ZC3H12B: variants seen among roughly 807,000 people sequenced by gnomAD.
The protein encoded by ZC3H12B is zinc finger CCCH-type containing 12B.
A neutral mutation model predicts 43.9 loss-of-function variants in ZC3H12B; 7 were observed. The observed-to-expected ratio is 0.16, with a 90% CI of 0.09 to 0.30. ZC3H12B has a LOEUF of 0.30. ZC3H12B is among the 10% of genes least tolerant of loss of function. The pLI, the probability that ZC3H12B is intolerant of heterozygous loss-of-function variation, is 1.00. For missense variants in ZC3H12B, 475 were observed against 670.2 expected, an observed-to-expected ratio of 0.71 and a Z score of 3.22; for synonymous variants, 222 against 241.7, an observed-to-expected ratio of 0.92 and a Z score of 0.76.
At chrX:65,175,939 G>A in the ZC3H12B span, among the ~76,000 whole-genome samples, 1 of 112,084 alleles carries the variant, frequency 8.9e-6, no homozygotes, top group Non-Finnish European at 1.9e-5. Flanking sequence ...GGGGCCCTGG[G>A]TTTCAAGCAC....
chrX:65,256,716 T>A, the ZC3H12B span, among the ~76,000 whole-genome samples: 3 of 111,274 alleles, frequency 2.7e-5, no homozygotes, highest in Non-Finnish European at 5.7e-5. Flanking sequence ...TATTGAGACA[T>A]GAAAAACCAC....
chrX:65,147,312 T>C, the ZC3H12B span, among the ~76,000 whole-genome samples: 3 of 111,647 alleles, frequency 2.7e-5, no homozygotes, highest in Non-Finnish European at 5.6e-5. Context: ...ATCTGGTACC[T>C]TGGTCAGAAG....
At chrX:65,460,874 T>A (rs1412175726) in intron 3 of ZC3H12B, among the ~76,000 whole-genome samples, 1 of 111,235 alleles carries the variant, frequency 9.0e-6, no homozygotes, top group Non-Finnish European at 1.9e-5. Flanking sequence ...CTAATTAAAC[T>A]AAAGAGCTTC....
At chrX:65,169,736 T>C in the ZC3H12B span, among the ~76,000 whole-genome samples, 1 of 112,377 alleles carries the variant, frequency 8.9e-6, no homozygotes, top group Admixed American at 9.4e-5. Context: ...GGTGCATATA[T>C]ATTAAGCATA....
chrX:65,321,962 T>C, the ZC3H12B span, among the ~76,000 whole-genome samples: 19 of 111,120 alleles, frequency 1.7e-4, no homozygotes, highest in African/African-American at 5.9e-4. Flanking sequence ...ACCTGGGTGA[T>C]TAGATAATCT....
In ZC3H12B at chrX:65,376,871, C is replaced by T. The variant is rs1038990163; in HGVS notation, n.295+7873C>T. On this transcript the variant is annotated intron_variant and non_coding_transcript_variant, in intron 2 of 5. Coordinates refer to the ZC3H12B transcript ENST00000617377. The stretch of plus-strand genomic sequence containing the variant: ...TTTTCAATGCCCAGACACCAAAGAA[C>T]ATCTGAAAGCATCAAGACCATATAG... Among the ~76,000 whole-genome samples the T allele has an allele frequency of 4.5e-4, 50 of 110,558 alleles. 1 individual carries two copies. The highest frequency in any genetic ancestry group is 1.5e-3 in the African/African-American group (46 of 30,448).
At chrX:65,470,739 T>C (rs1212220783) in intron 3 of ZC3H12B, among the ~76,000 whole-genome samples, 1 of 111,812 alleles carries the variant, frequency 8.9e-6, no homozygotes, top group East Asian at 2.8e-4. Context: ...GCTGGCCCAC[T>C]GGTCTGCGTT....
At chrX:65,437,658 A>G (rs746036875) in intron 3 of ZC3H12B, among the ~76,000 whole-genome samples, 45 of 111,917 alleles carry the variant, frequency 4.0e-4, no homozygotes, top group Non-Finnish European at 7.5e-4. Flanking sequence ...CCCTTGTCAG[A>G]TGAAGTTTTC....
rs188351916 is a variant in ZC3H12B at position 65,387,767 on chromosome X, A to T, written n.296-10826A>T. Among the ~76,000 whole-genome samples the T allele has an allele frequency of 2.0e-4, 23 of 112,665 alleles. No individual in the cohort carries two copies. The Admixed American group carries it at 2.1e-3, about 10-fold the overall frequency. ...TCTTTACAATTTGGCATGTTTTTGCAGTGGCTGGTACTGGTTGTTCCTTTT... is the reference window on the plus strand; with the variant it reads ...TCTTTACAATTTGGCATGTTTTTGCTGTGGCTGGTACTGGTTGTTCCTTTT... On this transcript the variant is annotated intron_variant and non_coding_transcript_variant, in intron 2 of 5. Coordinates refer to the ZC3H12B transcript ENST00000617377.
the ZC3H12B span, among the ~76,000 whole-genome samples, chrX:65,121,738 T>A: frequency 9.0e-6 from 1 of 111,620 alleles, no homozygotes; most frequent in Non-Finnish European, 1.9e-5. Flanking sequence ...TTAATTGTGA[T>A]GTTAAGGTGT....
intron 2 of ZC3H12B, among the ~76,000 whole-genome samples, chrX:65,392,033 C>G (rs1419128430): frequency 1.8e-5 from 2 of 111,700 alleles, no homozygotes; most frequent in East Asian, 5.7e-4. Context: ...TCCCGAGGTG[C>G]CGGGATTGCA....
At chrX:65,347,073 G>C in the ZC3H12B span, among the ~76,000 whole-genome samples, 1 of 112,234 alleles carries the variant, frequency 8.9e-6, no homozygotes, top group Non-Finnish European at 1.9e-5. Flanking sequence ...CATCTGGCAA[G>C]TGCCCCTCTG....
At chrX:65,240,995 C>A in the ZC3H12B span, among the ~76,000 whole-genome samples, 1 of 111,488 alleles carries the variant, frequency 9.0e-6, no homozygotes, top group Non-Finnish European at 1.9e-5. Context: ...TGTCTGGAGA[C>A]CCCTGTTGGG....
intron 3 of ZC3H12B, among the ~76,000 whole-genome samples, chrX:65,466,398 C>CTA (rs2067818106): frequency 3.6e-5 from 4 of 109,932 alleles, no homozygotes; most frequent in South Asian, 7.6e-4. Flanking sequence ...CTCACATTAT[C>CTA]TATATATATC....
At chrX:65,396,683 T>C (rs140213996) in intron 2 of ZC3H12B, among the ~76,000 whole-genome samples, 1,702 of 110,956 alleles carry the variant, frequency 0.015, 17 homozygotes, top group Non-Finnish European at 0.024. Context: ...ATTCTGTTGA[T>C]TTGGGGTGGA....
the ZC3H12B span, among the ~76,000 whole-genome samples, chrX:65,154,561 G>A: frequency 2.7e-5 from 3 of 112,047 alleles, no homozygotes; most frequent in Non-Finnish European, 3.8e-5. Context: ...TGATAGTAAT[G>A]TGAACACTTT....
chrX:65,162,955 T>G, the ZC3H12B span, among the ~76,000 whole-genome samples: 1 of 112,276 alleles, frequency 8.9e-6, no homozygotes, highest in African/African-American at 3.2e-5. Context: ...GGTGTGGATG[T>G]CCTTTCTGTT....
the ZC3H12B span, among the ~76,000 whole-genome samples, chrX:65,201,639 C>CCTCT: frequency 0.02 from 1,280 of 64,513 alleles, 18 homozygotes; most frequent in Non-Finnish European, 0.027. Flanking sequence ...TGAAAGATCA[C>CCTCT]CTCTCTCTCT....
the ZC3H12B span, among the ~76,000 whole-genome samples, chrX:65,315,009 C>T: frequency 6.3e-5 from 7 of 110,793 alleles, no homozygotes; most frequent in Non-Finnish European, 1.3e-4. Context: ...AGCAAAAAAT[C>T]TAATTAATTG....
Sources: allele counts gnomAD v4.1 joint callset (sites outside exome capture counted in the v4.1 genomes callset), GRCh38; gene constraint gnomAD v4.1.1; transcripts MANE v1.5; gene names NCBI Gene and HGNC (gene_info 2026-07-23, HGNC 2026-07-21).